The following RBFOX3 variants were observed in gnomAD, a reference collection of about 807,000 sequenced individuals.
The protein encoded by RBFOX3 is RNA binding fox-1 homolog 3, also known as RNA binding protein fox-1 homolog 3.
In RBFOX3, 17 loss-of-function variants were observed where a neutral mutation model predicts 48.7. That is an observed-to-expected ratio of 0.35 (90% CI 0.24 to 0.52). RBFOX3 has a LOEUF of 0.52. Among genes scored for constraint, RBFOX3 ranks in the 20% least tolerant of loss-of-function variants. RBFOX3 has a pLI of 0.94. For synonymous variants in RBFOX3, 212 were observed against 209.5 expected, an observed-to-expected ratio of 1.01 and a Z score of -0.10; for missense variants, 382 against 497.5, an observed-to-expected ratio of 0.77 and a Z score of 2.21.
chr17:79,120,001 TGTGCAGCCA>T (rs1463955865), intron 4 of RBFOX3, among the ~76,000 whole-genome samples: 2 of 152,220 alleles, frequency 1.3e-5, no homozygotes, highest in Non-Finnish European at 1.5e-5. Context: ...CACAGAAGGC[TGTGCAGCCA>T]GTATCTGTCC....
At chr17:79,407,890 T>C (rs1327606075) in intron 2 of RBFOX3, among the ~76,000 whole-genome samples, 2 of 152,200 alleles carry the variant, frequency 1.3e-5, no homozygotes, top group African/African-American at 4.8e-5. Context: ...CTTTGCACTA[T>C]ATAAAGACCT....
chr17:79,132,406 C>T (rs552192816), intron 4 of RBFOX3, among the ~76,000 whole-genome samples: 33 of 152,368 alleles, frequency 2.2e-4, no homozygotes, highest in East Asian at 1.2e-3. Context: ...CACGTCCCTG[C>T]CGTGGTCTGA....
At chr17:79,506,287 C>T (rs1336092571) in intron 1 of RBFOX3, among the ~76,000 whole-genome samples, 1 of 152,156 alleles carries the variant, frequency 6.6e-6, no homozygotes, top group Non-Finnish European at 1.5e-5. Context: ...TTGAGGGGGC[C>T]AGTTTCCTGC....
chr17:79,320,895 C>T (rs372838317), intron 2 of RBFOX3, among the ~76,000 whole-genome samples: 2 of 152,324 alleles, frequency 1.3e-5, no homozygotes, highest in African/African-American at 4.8e-5. Context: ...ACAGATTATT[C>T]AGCCTCCTGA....
At chr17:79,604,668 G>T (rs1273844059) in intron 1 of RBFOX3, among the ~76,000 whole-genome samples, 1 of 152,202 alleles carries the variant, frequency 6.6e-6, no homozygotes, top group Admixed American at 6.5e-5. Flanking sequence ...TAAGAGTTTG[G>T]AGCTATGAAA....
At chr17:79,620,284 C>T in the RBFOX3 span, among the ~76,000 whole-genome samples, 14 of 149,372 alleles carry the variant, frequency 9.4e-5, no homozygotes, top group Admixed American at 5.3e-4. Flanking sequence ...TACGCATATG[C>T]GCACACACGC....
chr17:79,149,932 G>A (rs898976519), intron 4 of RBFOX3, among the ~76,000 whole-genome samples: 21 of 134,340 alleles, frequency 1.6e-4, no homozygotes, highest in Middle Eastern at 3.5e-3. Flanking sequence ...CTGCGCTGAG[G>A]ACTCAGGCTA....
chr17:79,316,133 G>A (rs1400244561), intron 2 of RBFOX3, among the ~76,000 whole-genome samples: 2 of 152,146 alleles, frequency 1.3e-5, no homozygotes, highest in Admixed American at 6.5e-5. Flanking sequence ...AATTGGAGAG[G>A]GCGGGAGAGG....
chr17:79,275,922 G>A (rs991268645), intron 3 of RBFOX3, among the ~76,000 whole-genome samples: 33 of 152,202 alleles, frequency 2.2e-4, no homozygotes, highest in Admixed American at 2.1e-3. Context: ...AGCTGCACAC[G>A]CGTATTCATT....
In RBFOX3 at chr17:79,090,669, G is replaced by A; in HGVS notation, c.*214C>T. 6.6e-6 allele frequency: 4 copies of A among 607,248 alleles called. No homozygotes were observed. The South Asian group carries it at 8.7e-5, about 13-fold the overall frequency. The allele number at this position is 607,248 out of a possible 1,614,324, so 37.6% of individuals were successfully genotyped here. A position where few individuals can be genotyped will look rare whatever the true frequency, so the allele number is the denominator to read the frequency against. ...GGACGCGGTGGGGCCGTCCTGTCCTGGGGCCGCTCCTCGGCGCCCCTGCCG... is the reference window on the plus strand; with the variant it reads ...GGACGCGGTGGGGCCGTCCTGTCCTAGGGCCGCTCCTCGGCGCCCCTGCCG... On this transcript the variant is annotated 3_prime_UTR_variant, in exon 15 of 15. Coordinates refer to ENST00000693108, the MANE Select transcript of RBFOX3 (RefSeq NM_001350451.2).
At chr17:79,137,490 C>T (rs1235331269) in intron 4 of RBFOX3, among the ~76,000 whole-genome samples, 1 of 152,228 alleles carries the variant, frequency 6.6e-6, no homozygotes, top group Admixed American at 6.5e-5. Flanking sequence ...CACGCGCCTG[C>T]AGTGATCGTG....
chr17:79,656,734 AAAAGAAAG>A, the RBFOX3 span, among the ~76,000 whole-genome samples: 1 of 110,998 alleles, frequency 9.0e-6, no homozygotes, highest in African/African-American at 4.8e-5. Context: ...AGAAAGAAAG[AAAAGAAAG>A]AAAGAAAGAA....
At chr17:79,194,636 G>A (rs965840413) in intron 4 of RBFOX3, among the ~76,000 whole-genome samples, 11 of 151,824 alleles carry the variant, frequency 7.2e-5, no homozygotes, top group Non-Finnish European at 4.4e-5. Context: ...CTGCTTCCTG[G>A]TTCTTCAAGA....
chr17:79,223,285 A>G (rs1171561343), intron 4 of RBFOX3, among the ~76,000 whole-genome samples: 1 of 152,138 alleles, frequency 6.6e-6, no homozygotes, highest in African/African-American at 2.4e-5. Flanking sequence ...AAACACACAC[A>G]TGCACGGATG....
At chr17:79,593,748 G>A (rs1051094381) in intron 1 of RBFOX3, among the ~76,000 whole-genome samples, 1 of 152,338 alleles carries the variant, frequency 6.6e-6, no homozygotes, top group Admixed American at 6.5e-5. Context: ...GACGGAACCC[G>A]ATGGGCACAC....
At chr17:79,626,261 AC>A in the RBFOX3 span, among the ~76,000 whole-genome samples, 1 of 151,980 alleles carries the variant, frequency 6.6e-6, no homozygotes, top group Admixed American at 6.5e-5. Context: ...AGACCCTCCA[AC>A]CTTTGCACCT....
intron 4 of RBFOX3, among the ~76,000 whole-genome samples, chr17:79,221,370 G>C (rs2606182): frequency 0.19 from 28,510 of 152,326 alleles, 3,417 homozygotes; most frequent in African/African-American, 0.34. Context: ...CCAGAGGCCG[G>C]TTAGTGTTGG....
chr17:79,180,050 A>G (rs1163081981), intron 4 of RBFOX3, among the ~76,000 whole-genome samples: 1 of 152,236 alleles, frequency 6.6e-6, no homozygotes, highest in Non-Finnish European at 1.5e-5. Context: ...CCAGAGCCCA[A>G]TGCACAGCTG....
the RBFOX3 span, among the ~76,000 whole-genome samples, chr17:79,651,703 CT>C: frequency 6.0e-5 from 6 of 99,326 alleles, no homozygotes; most frequent in Admixed American, 1.1e-4. Context: ...CCCCTCCCCC[CT>C]CCCTCCCTGT....
Sources: allele counts gnomAD v4.1 joint callset (sites outside exome capture counted in the v4.1 genomes callset), GRCh38; gene constraint gnomAD v4.1.1; transcripts MANE v1.5; gene names NCBI Gene and HGNC (gene_info 2026-07-23, HGNC 2026-07-21).